MAPRE2: variants seen among roughly 807,000 people sequenced by gnomAD.
MAPRE2 encodes microtubule associated protein RP/EB family member 2.
Under a neutral mutation model 43.2 loss-of-function variants are expected in MAPRE2, and 13 were observed. The ratio of observed to expected loss-of-function variants is 0.30; its 90% CI spans 0.20 to 0.48. The LOEUF (loss-of-function observed/expected upper bound fraction) is 0.48, where lower values mean the gene tolerates loss of function less well. MAPRE2 is among the 20% of genes least tolerant of loss of function. The probability of loss-of-function intolerance (pLI) is 0.99; values close to 1 mark genes in which losing one functional copy is unlikely to be tolerated. For missense variants in MAPRE2, 161 were observed against 400.2 expected (o/e 0.40, Z 5.10); for synonymous variants, 135 against 148.8 (o/e 0.91, Z 0.68).
chr18:35,096,259 C>T (rs1312762697), intron 2 of MAPRE2, among the ~76,000 whole-genome samples: 1 of 152,104 alleles, frequency 6.6e-6, no homozygotes, highest in Non-Finnish European at 1.5e-5. Context: ...TGATCATGAG[C>T]ACATCATAGA....
intron 2 of MAPRE2, among the ~76,000 whole-genome samples, chr18:35,018,722 G>A (rs933087979): frequency 7.3e-5 from 11 of 151,458 alleles, no homozygotes; most frequent in African/African-American, 2.7e-4. Context: ...TTTTTTCTGT[G>A]TTAATATAGC....
At chr18:35,062,940 T>C (rs1331166717) in intron 1 of MAPRE2, among the ~76,000 whole-genome samples, 1 of 152,196 alleles carries the variant, frequency 6.6e-6, no homozygotes, top group Middle Eastern at 3.2e-3. Flanking sequence ...AAACTGTTGG[T>C]AGTGGATTAC....
chr18:35,083,507 C>T (rs1907736700), intron 2 of MAPRE2, among the ~76,000 whole-genome samples: 1 of 152,210 alleles, frequency 6.6e-6, no homozygotes, highest in Non-Finnish European at 1.5e-5. Context: ...GCCTGTGAGA[C>T]ATCGCACTGC....
chr18:35,033,312 A>AC (rs1242624634), intron 2 of MAPRE2, among the ~76,000 whole-genome samples: 1 of 152,070 alleles, frequency 6.6e-6, no homozygotes, highest in South Asian at 2.1e-4. Flanking sequence ...AAATTCAACA[A>AC]CCTTCATGCT....
chr18:35,119,296 T>TA (rs1909564727), intron 4 of MAPRE2, among the ~76,000 whole-genome samples: 1 of 152,166 alleles, frequency 6.6e-6, no homozygotes, highest in Non-Finnish European at 1.5e-5. Context: ...AGTGGATGCT[T>TA]AGGCCTTCCA....
chr18:35,048,322 C>T (rs963881430), intron 1 of MAPRE2, among the ~76,000 whole-genome samples: 1 of 152,116 alleles, frequency 6.6e-6, no homozygotes, highest in African/African-American at 2.4e-5. Context: ...CAGGCCCCAC[C>T]TCCAACACTG....
chr18:34,998,321 C>G (rs1040022744), intron 1 of MAPRE2, among the ~76,000 whole-genome samples: 1 of 145,344 alleles, frequency 6.9e-6, no homozygotes, highest in Non-Finnish European at 1.5e-5. Context: ...ATTTTTCTCT[C>G]TCTTTTTTTT....
At chr18:35,047,474 C>A (rs1037365145) in intron 1 of MAPRE2, among the ~76,000 whole-genome samples, 2 of 152,044 alleles carry the variant, frequency 1.3e-5, no homozygotes, top group African/African-American at 4.8e-5. Context: ...GTGTTTCTGG[C>A]CCTTGGTCTT....
intron 2 of MAPRE2, among the ~76,000 whole-genome samples, chr18:35,026,286 A>G (rs898956672): frequency 2.0e-5 from 3 of 152,194 alleles, no homozygotes; most frequent in African/African-American, 4.8e-5. Flanking sequence ...GCTGGCTATC[A>G]GTTTAGCTCA....
At chr18:35,001,858 C>T (rs2097029535) in intron 1 of MAPRE2, among the ~76,000 whole-genome samples, 1 of 151,980 alleles carries the variant, frequency 6.6e-6, no homozygotes, top group South Asian at 2.1e-4. Flanking sequence ...GTCCAATTAC[C>T]TGATTTAAAA....
At chr18:35,109,225 T>A (rs1334303299) in intron 4 of MAPRE2, among the ~76,000 whole-genome samples, 1 of 152,254 alleles carries the variant, frequency 6.6e-6, no homozygotes, top group African/African-American at 2.4e-5. Flanking sequence ...TAGGAGATCC[T>A]TTCCCCATTG....
intron 4 of MAPRE2, among the ~76,000 whole-genome samples, chr18:35,113,788 G>A (rs1031489769): frequency 2.0e-5 from 3 of 152,152 alleles, no homozygotes; most frequent in African/African-American, 4.8e-5. Flanking sequence ...AGCTACTCAG[G>A]AGGCTGAGGT....
At chr18:35,118,466 C>T (rs576531355) in intron 4 of MAPRE2, among the ~76,000 whole-genome samples, 46 of 152,220 alleles carry the variant, frequency 3.0e-4, no homozygotes, top group African/African-American at 9.9e-4. Context: ...GGACATTTGG[C>T]GACTGTTCTG....
Position 35,041,644 on chromosome 18 carries a change from CG to C in MAPRE2, c.109del (p.Glu37SerfsTer17). 1 of 1,614,194 alleles carries C rather than the reference CG, an allele frequency of 6.2e-7. No homozygotes were observed. The highest frequency in any genetic ancestry group is 8.5e-7 in the Non-Finnish European group (1 of 1,180,034). Reference protein sequence around the residue: ...IIPFRKHTVRGERSYSWGMAV... With the variant: ...IIPFRKHTVRXERSYSWGMAV... ...TTCCTTTCCGGAAGCACACAGTGCG[CG>C]GGGAGCGTTCCTACAGGTAATGGGG... On this transcript the variant is annotated frameshift_variant, in exon 1 of 7. Coordinates refer to ENST00000300249, the MANE Select transcript of MAPRE2 (RefSeq NM_014268.4). LOFTEE classifies it high-confidence loss of function.
rs1233445861 is a variant in MAPRE2 at position 34,987,797 on chromosome 18, C to T, written c.-70+10718C>T. Among the ~76,000 whole-genome samples the T allele has an allele frequency of 8.5e-5, 13 of 152,128 alleles. No individual in the cohort carries two copies. The East Asian group carries it at 2.3e-3, about 27-fold the overall frequency. The stretch of plus-strand genomic sequence containing the variant: ...ATCTGGGACTATAGCTGCATGCTGC[C>T]ATGCCCAGCTAATTTTTGTATTTTT... On this transcript the variant is annotated intron_variant, in intron 1 of 7. Coordinates refer to the MAPRE2 transcript ENST00000413393.
chr18:35,099,862 A>G (rs930968091), intron 3 of MAPRE2, among the ~76,000 whole-genome samples: 2 of 152,194 alleles, frequency 1.3e-5, no homozygotes, highest in African/African-American at 4.8e-5. Flanking sequence ...TGCAAAATTT[A>G]TTGCTAATTA....
intron 4 of MAPRE2, among the ~76,000 whole-genome samples, chr18:35,119,613 C>T (rs1022946388): frequency 2.6e-5 from 4 of 152,190 alleles, no homozygotes; most frequent in Admixed American, 6.5e-5. Context: ...GAAGCACAGA[C>T]GGAGATAGAT....
At chr18:34,995,495 C>T (rs1332376882) in intron 1 of MAPRE2, among the ~76,000 whole-genome samples, 1 of 152,192 alleles carries the variant, frequency 6.6e-6, no homozygotes, top group Non-Finnish European at 1.5e-5. Context: ...TTTGTTAAAA[C>T]ACTCTCTAAT....
intron 1 of MAPRE2, among the ~76,000 whole-genome samples, chr18:34,997,033 G>A (rs762334216): frequency 9.2e-5 from 14 of 152,068 alleles, no homozygotes; most frequent in African/African-American, 1.9e-4. Flanking sequence ...TTTTCATGGC[G>A]TTATGCTTAA....
Sources: allele counts gnomAD v4.1 joint callset (sites outside exome capture counted in the v4.1 genomes callset), GRCh38; gene constraint gnomAD v4.1.1; transcripts MANE v1.5; gene names NCBI Gene and HGNC (gene_info 2026-07-23, HGNC 2026-07-21).